Variants in TAAR8 observed in about 807,000 individuals in gnomAD.
TAAR8 encodes trace amine-associated receptor 8.
For synonymous variants in TAAR8, 157 were observed against 152.7 expected (o/e 1.03, Z -0.21); for missense variants, 459 against 405.8 (o/e 1.13, Z -1.13).
At chr6:132,552,768 T>C (rs1219192114) in exon 1 of TAAR8, 1 of 1,614,246 alleles carries the variant, frequency 6.2e-7, no homozygotes. Flanking sequence ...TGAAACTCCC[T>C]ATTCTCCTGG....
exon 1 of TAAR8, chr6:132,553,169 T>A (rs780955366): frequency 6.2e-7 from 1 of 1,614,196 alleles, no homozygotes; most frequent in East Asian, 2.2e-5. Flanking sequence ...GGATTCTGCC[T>A]CTCACGTACA....
At chr6:132,553,625 T>C (rs1409609276) in exon 1 of TAAR8, 4 of 1,614,050 alleles carry the variant, frequency 2.5e-6, no homozygotes, top group Non-Finnish European at 3.4e-6. Context: ...TGATTTATGC[T>C]CTATTTTATC....
exon 1 of TAAR8, chr6:132,552,995 C>T: frequency 6.2e-7 from 1 of 1,614,148 alleles, no homozygotes; most frequent in Non-Finnish European, 8.5e-7. Context: ...ATTTTGGAGC[C>T]AAATTTTGTA....
At chr6:132,553,622 T>C in exon 1 of TAAR8, 1 of 1,614,134 alleles carries the variant, frequency 6.2e-7, no homozygotes. Flanking sequence ...CTTTGATTTA[T>C]GCTCTATTTT....
At position 132,553,136 on chromosome 6, in the gene TAAR8, G is replaced by A. The variant is rs145344024; in HGVS notation, c.444G>A (p.Ser148=). The stretch of plus-strand genomic sequence containing the variant: ...CTACCAAGTTCACCGTGTCTGTGTC[G>A]GGAATTTGCATCAGCGTGTCCTGGA... Residue 148 remains serine (S), a synonymous_variant, in exon 1 of 1, where the codon TCG becomes TCA. Transcript: ENST00000275200. The A allele has an allele frequency of 1.2e-4, 195 of 1,614,132 alleles. 1 individual carries two copies. In the African/African-American group the frequency reaches 1.6e-3, roughly 13 times the overall value.
chr6:132,553,144 G>A (rs371119002), exon 1 of TAAR8: 1 of 1,614,042 alleles, frequency 6.2e-7, no homozygotes, highest in Non-Finnish European at 8.5e-7. Flanking sequence ...TCGGGAATTT[G>A]CATCAGCGTG....
At position 132,552,891 on chromosome 6, in the gene TAAR8, A is replaced by G. The variant is rs748725205; in HGVS notation, c.199A>G (p.Asn67Asp). The G allele has an allele frequency of 1.9e-6, 3 of 1,614,098 alleles. No homozygotes were observed. In the South Asian group the frequency reaches 3.3e-5, roughly 18 times the overall value. ...TTTTAAGCAGCTGCACTCTCCAACC[A>G]ATTTTCTCATTGCCTCTCTGGCCTG... Residue 67 changes from asparagine (N) to aspartate (D), a missense_variant, in exon 1 of 1, where the codon AAT becomes GAT. Transcript: ENST00000275200.
At chr6:132,553,623 G>T (rs775452393) in exon 1 of TAAR8, 2 of 1,613,892 alleles carry the variant, frequency 1.2e-6, no homozygotes, top group Non-Finnish European at 1.7e-6. Context: ...TTTGATTTAT[G>T]CTCTATTTTA....
chr6:132,553,027 T>C (rs1776402755), exon 1 of TAAR8: 1 of 1,614,122 alleles, frequency 6.2e-7, no homozygotes, highest in Non-Finnish European at 8.5e-7. Flanking sequence ...TGCTGTGATG[T>C]GGCATTTTGT....
At chr6:132,553,261 A>G (rs1250806763) in exon 1 of TAAR8, 10 of 1,614,216 alleles carry the variant, frequency 6.2e-6, no homozygotes, top group Non-Finnish European at 8.5e-6. Context: ...GGTGGCTGTC[A>G]AATTATTGTA....
chr6:132,552,717 G>A (rs1237691528), exon 1 of TAAR8: 8 of 1,612,248 alleles, frequency 5.0e-6, no homozygotes, highest in Non-Finnish European at 4.2e-6. Context: ...TTCCCAACCT[G>A]TTGTGCAGCT....
chr6:132,552,866 T>C, exon 1 of TAAR8: 2 of 1,614,238 alleles, frequency 1.2e-6, no homozygotes, highest in Non-Finnish European at 1.7e-6. Context: ...CTGTTCTTCA[T>C]TTTAAGCAGC....
exon 1 of TAAR8, chr6:132,553,146 A>C: frequency 6.2e-7 from 1 of 1,614,164 alleles, no homozygotes; most frequent in Non-Finnish European, 8.5e-7. Context: ...GGGAATTTGC[A>C]TCAGCGTGTC....
exon 1 of TAAR8, chr6:132,553,689 A>G (rs754562210): frequency 3.8e-6 from 6 of 1,598,568 alleles, no homozygotes; most frequent in South Asian, 1.1e-5. Flanking sequence ...TTTAAAGGCT[A>G]GTTCATCAAC....
At chr6:132,553,255 G>A (rs528884799) in exon 1 of TAAR8, 2 of 1,614,158 alleles carry the variant, frequency 1.2e-6, no homozygotes, top group South Asian at 2.2e-5. Flanking sequence ...TGCGTAGGTG[G>A]CTGTCAAATT....
In TAAR8 at chr6:132,553,046, T is replaced by G. The variant is rs753051178; in HGVS notation, c.354T>G (p.Ser118=). ...GTGATGTGGCATTTTGTTACTCTTC[T>G]GTCCTCCACTTGTGCTTCATCTGCA... is the stretch of plus-strand genomic sequence containing the variant. Residue 118 remains serine, a synonymous_variant, in exon 1 of 1, where the codon TCT becomes TCG. Coordinates refer to ENST00000275200, the Ensembl canonical transcript of TAAR8. 1.7e-5 allele frequency: 27 copies of G among 1,614,134 alleles called. No homozygotes were observed. The Admixed American group carries it at 4.5e-4, about 27-fold the overall frequency.
At chr6:132,552,750 T>A in exon 1 of TAAR8, 2 of 1,614,180 alleles carry the variant, frequency 1.2e-6, no homozygotes, top group South Asian at 2.2e-5. Context: ...TGTGAATGGA[T>A]CTTGTATTGA....
exon 1 of TAAR8, chr6:132,553,024 A>C: frequency 6.2e-7 from 1 of 1,614,114 alleles, no homozygotes; most frequent in Non-Finnish European, 8.5e-7. Context: ...AGTTGCTGTG[A>C]TGTGGCATTT....
chr6:132,553,565 C>G (rs201430417), exon 1 of TAAR8: 1 of 1,614,000 alleles, frequency 6.2e-7, no homozygotes. Context: ...CTGCCTATAT[C>G]TATGAAATTT....
Sources: gnomAD v4.1 joint callset for allele counts on GRCh38, gnomAD v4.1.1 for gene constraint, MANE v1.5 for transcripts, NCBI Gene and HGNC (gene_info 2026-07-23, HGNC 2026-07-21) for gene names.